The following ATP10A variants were observed in gnomAD, a reference collection of about 807,000 sequenced individuals.
ATP10A encodes the protein phospholipid-transporting ATPase VA.
ATP10A carries 111 observed loss-of-function variants against 147.8 expected under a neutral mutation model. The ratio of observed to expected loss-of-function variants is 0.75; its 90% CI spans 0.64 to 0.88. The LOEUF (loss-of-function observed/expected upper bound fraction) is 0.88. Among genes scored for constraint, ATP10A ranks in the 40% least tolerant of loss-of-function variants. ATP10A has a pLI of 0.00. For missense variants in ATP10A, 1,927 were observed against 1,959.0 expected (o/e 0.98, Z 0.31); for synonymous variants, 875 against 841.6 (o/e 1.04, Z -0.69).
At chr15:25,861,590 C>T (rs920200263) in intron 1 of ATP10A, among the ~76,000 whole-genome samples, 1 of 152,160 alleles carries the variant, frequency 6.6e-6, no homozygotes, top group South Asian at 2.1e-4. Context: ...CCACTCTGAC[C>T]CTCCTCTTTT....
chr15:25,800,122 C>T (rs1425757269), intron 1 of ATP10A, among the ~76,000 whole-genome samples: 1 of 152,196 alleles, frequency 6.6e-6, no homozygotes, highest in African/African-American at 2.4e-5. Flanking sequence ...GTGCACGCAA[C>T]AGCTCAGGGA....
chr15:25,754,889 G>A (rs999777518), intron 2 of ATP10A, among the ~76,000 whole-genome samples: 11 of 152,178 alleles, frequency 7.2e-5, no homozygotes, highest in Middle Eastern at 3.4e-3. Flanking sequence ...TTAGGCAGAG[G>A]GAATGGGATT....
intron 1 of ATP10A, among the ~76,000 whole-genome samples, chr15:25,849,453 T>C (rs1400261173): frequency 6.6e-6 from 1 of 152,168 alleles, no homozygotes; most frequent in African/African-American, 2.4e-5. Flanking sequence ...CATGCAGTAG[T>C]TGGGAACAGA....
chr15:25,750,195 A>T (rs1183722923), intron 2 of ATP10A, among the ~76,000 whole-genome samples: 1 of 152,080 alleles, frequency 6.6e-6, no homozygotes, highest in Non-Finnish European at 1.5e-5. Context: ...AAAAACTTGC[A>T]AGCAGCTGTG....
In ATP10A at chr15:25,680,833, G is replaced by A; in HGVS notation, c.3655C>T (p.Leu1219=). ...TIALLTFLLH[L]GIETKTWTWL... ...ACCCAGGTTTTGGTTTCAATGCCCA[G>A]GTGGAGCAGGAAAGTGAGCAGCGCG... The change falls in exon 19 of 21, where the codon CTG becomes TTG. Residue 1219 remains leucine, a synonymous_variant. Coordinates refer to ENST00000555815, the MANE Select transcript of ATP10A (RefSeq NM_024490.4). 1 of 1,613,728 alleles carries A rather than the reference G, an allele frequency of 6.2e-7. No homozygotes were observed. The highest frequency in any genetic ancestry group is 1.7e-5 in the Admixed American group (1 of 60,020).
At position 25,786,466 on chromosome 15, in the gene ATP10A, A is replaced by G. The variant is rs1890162968; in HGVS notation, c.450-5243T>C. Among the ~76,000 whole-genome samples, 3 of 151,902 alleles carry G rather than the reference A, an allele frequency of 2.0e-5. No individual in the cohort carries two copies. In the South Asian group the frequency reaches 6.2e-4, roughly 32 times the overall value. On this transcript the variant is annotated intron_variant, in intron 1 of 20. Transcript: ENST00000555815. ...TTTCATGCCCAGCTGTAGCAAGACC[A>G]TGTAGTCTTTTGAACGACAGAACTG... is the stretch of plus-strand genomic sequence containing the variant.
intron 1 of ATP10A, among the ~76,000 whole-genome samples, chr15:25,811,664 CT>C (rs1423249617): frequency 6.6e-6 from 1 of 152,162 alleles, no homozygotes; most frequent in Admixed American, 6.5e-5. Flanking sequence ...TGAAAAACCA[CT>C]TGTGAGATTG....
At chr15:25,798,490 A>G (rs938489922) in intron 1 of ATP10A, among the ~76,000 whole-genome samples, 3 of 152,174 alleles carry the variant, frequency 2.0e-5, no homozygotes, top group Admixed American at 1.3e-4. Flanking sequence ...AAGGGGGCCG[A>G]AGCCCAGATT....
At chr15:25,787,519 G>C (rs1037692653) in intron 1 of ATP10A, among the ~76,000 whole-genome samples, 2 of 151,700 alleles carry the variant, frequency 1.3e-5, no homozygotes, top group African/African-American at 4.8e-5. Flanking sequence ...GCTGAGGTGG[G>C]AGAATGACTT....
intron 2 of ATP10A, among the ~76,000 whole-genome samples, chr15:25,779,749 A>C (rs185671181): frequency 6.6e-5 from 10 of 152,328 alleles, no homozygotes; most frequent in Non-Finnish European, 1.2e-4. Context: ...TAACAACAAC[A>C]AAAAATACTA....
At chr15:25,820,649 A>T (rs1460299452) in intron 1 of ATP10A, among the ~76,000 whole-genome samples, 1 of 152,214 alleles carries the variant, frequency 6.6e-6, no homozygotes, top group Non-Finnish European at 1.5e-5. Flanking sequence ...TCTGGGAAAA[A>T]ATGTTTTAAA....
chr15:25,694,287 C>T (rs548785669), intron 14 of ATP10A, among the ~76,000 whole-genome samples: 10 of 152,352 alleles, frequency 6.6e-5, no homozygotes, highest in South Asian at 2.1e-4. Context: ...AGCAGTGATG[C>T]GTATCTGATG....
At chr15:25,776,137 T>C (rs980884736) in intron 2 of ATP10A, among the ~76,000 whole-genome samples, 2 of 152,238 alleles carry the variant, frequency 1.3e-5, no homozygotes, top group African/African-American at 4.8e-5. Context: ...CTGAGTTTTA[T>C]ATAAAATTAT....
chr15:25,826,985 A>C (rs1567413267), intron 1 of ATP10A, among the ~76,000 whole-genome samples: 1 of 152,244 alleles, frequency 6.6e-6, no homozygotes, highest in African/African-American at 2.4e-5. Flanking sequence ...ACATTCGGTA[A>C]TGAACAGAAA....
intron 6 of ATP10A, among the ~76,000 whole-genome samples, 178 bp from the exon 7 acceptor site, chr15:25,722,087 T>C (rs1198469717): frequency 6.6e-6 from 1 of 152,170 alleles, no homozygotes; most frequent in Admixed American, 6.5e-5. Flanking sequence ...ATTAGAGTAT[T>C]GGCAAAGAGA....
intron 12 of ATP10A, among the ~76,000 whole-genome samples, chr15:25,704,172 C>T (rs1900838397): frequency 2.0e-5 from 3 of 152,154 alleles, no homozygotes. Context: ...ATGACAGGTT[C>T]CTTGATGTCT....
At chr15:25,812,759 A>G (rs552463609) in intron 1 of ATP10A, among the ~76,000 whole-genome samples, 34 of 152,320 alleles carry the variant, frequency 2.2e-4, no homozygotes, top group Admixed American at 6.5e-4. Flanking sequence ...GGCCAAGCAC[A>G]CTATTGATCT....
rs528495602 is a variant in ATP10A at position 25,781,954 on chromosome 15, A to G, written c.450-731T>C. Among the ~76,000 whole-genome samples the G allele has an allele frequency of 2.6e-5, 4 of 152,346 alleles. No individual in the cohort carries two copies. The South Asian group carries it at 8.3e-4, about 32-fold the overall frequency. ...CAAAATGGTTAAAATGACCATTCCT[A>G]GGTCTACACTCAGAAGAGCTGAAAG... is the stretch of plus-strand genomic sequence containing the variant. On this transcript the variant is annotated intron_variant, in intron 1 of 20. Coordinates refer to ENST00000555815, the MANE Select transcript of ATP10A (RefSeq NM_024490.4).
intron 1 of ATP10A, among the ~76,000 whole-genome samples, chr15:25,783,999 G>T (rs1402455386): frequency 6.6e-6 from 1 of 152,260 alleles, no homozygotes; most frequent in Admixed American, 6.5e-5. Flanking sequence ...CCCCTTCTGA[G>T]CACAGACAGG....
Sources: allele counts gnomAD v4.1 joint callset (sites outside exome capture counted in the v4.1 genomes callset), GRCh38; gene constraint gnomAD v4.1.1; transcripts MANE v1.5; gene names NCBI Gene and HGNC (gene_info 2026-07-23, HGNC 2026-07-21).